CEP85L: variants seen among roughly 807,000 people sequenced by gnomAD.
The protein encoded by CEP85L is centrosomal protein of 85 kDa-like.
A neutral mutation model predicts 100.3 loss-of-function variants in CEP85L; 60 were observed. The observed-to-expected ratio is 0.60, with a 90% CI of 0.49 to 0.74. CEP85L has a LOEUF of 0.74. Among genes scored for constraint, CEP85L ranks in the 30% least tolerant of loss-of-function variants. The probability of loss-of-function intolerance (pLI) is 0.00; values close to 1 mark genes in which losing one functional copy is unlikely to be tolerated. For synonymous variants in CEP85L, 319 were observed against 322.7 expected, an observed-to-expected ratio of 0.99 and a Z score of 0.12; for missense variants, 973 against 936.2, an observed-to-expected ratio of 1.04 and a Z score of -0.51.
chr6:118,696,715 A>T (rs768074284), intron 1 of CEP85L, among the ~76,000 whole-genome samples: 1 of 152,180 alleles, frequency 6.6e-6, no homozygotes, highest in Non-Finnish European at 1.5e-5. Context: ...AGCAGTTAAG[A>T]TATTTTTGAC....
rs1327752442 is a variant in CEP85L, at chr6:118,469,275, G to A, written c.2051C>T (p.Ser684Phe). 6.2e-7 allele frequency: 1 copy of A among 1,613,816 alleles called. No homozygotes were observed. The highest frequency in any genetic ancestry group is 1.3e-5 in the African/African-American group (1 of 74,904). The change falls in exon 12 of 13, where the codon TCT becomes TTT. Residue 684 changes from serine to phenylalanine, a missense_variant. This residue lies in a region of CEP85L where 890 missense variants were observed against 844.5 expected (regional missense o/e 1.05). Transcript: ENST00000368491. Reference sequence around the variant, plus strand: ...AGGTTCCTGGCCCTGATCCAATAAAGAGCATGTCTCATCTGTTTGTCTTTG... The same window carrying A: ...AGGTTCCTGGCCCTGATCCAATAAAAAGCATGTCTCATCTGTTTGTCTTTG... Reference protein sequence around the residue: ...ENQRQTDETCSLLDQGQEPDQ... With the variant: ...ENQRQTDETCFLLDQGQEPDQ...
chr6:118,697,735 C>T lies in CEP85L; in HGVS notation c.-28+12301G>A, dbSNP rs193171931. On this transcript the variant is annotated intron_variant, in intron 1 of 13. Coordinates refer to the CEP85L transcript ENST00000368488. ...GTATATGAAACTTGAGCTCTCAGGA[C>T]ATGCTCAGATGCACTCACATATATA... Among the ~76,000 whole-genome samples the T allele has an allele frequency of 2.6e-5, 4 of 152,302 alleles. No individual in the cohort carries two copies. In the East Asian group the frequency reaches 5.8e-4, roughly 22 times the overall value.
intron 1 of CEP85L, among the ~76,000 whole-genome samples, chr6:118,658,035 G>T (rs1327371382): frequency 6.6e-6 from 1 of 152,150 alleles, no homozygotes; most frequent in African/African-American, 2.4e-5. Context: ...GGGATCTCTG[G>T]AACTGTAAAT....
Position 118,566,256 on chromosome 6 carries a change from G to A in CEP85L, c.293C>T (p.Pro98Leu), listed in dbSNP as rs572090483. 2 of 1,614,120 alleles carry A rather than the reference G, an allele frequency of 1.2e-6. No individual in the cohort carries two copies. The highest frequency in any genetic ancestry group is 1.3e-5 in the African/African-American group (1 of 75,044). ...ATTAGACGGCATCACATGGGCAGTA[G>A]GAAGAGTAATCAATGATTGACTAGG... ...FKPSQSLITL[P>L]TAHVMPSNSS... is the part of the protein sequence containing the mutation. The change falls in exon 3 of 13, where the codon CCT becomes CTT. Residue 98 changes from proline to leucine, a missense_variant. Coordinates refer to ENST00000368491, the MANE Select transcript of CEP85L (RefSeq NM_001042475.3).
intron 1 of CEP85L, among the ~76,000 whole-genome samples, chr6:118,669,995 G>C (rs1211689416): frequency 1.3e-5 from 2 of 150,752 alleles, no homozygotes; most frequent in Admixed American, 1.3e-4. Flanking sequence ...GGGAACCAAA[G>C]AGTAAAGGGA....
intron 3 of CEP85L, among the ~76,000 whole-genome samples, chr6:118,533,732 T>C (rs12206369): frequency 0.029 from 4,414 of 152,156 alleles, 107 homozygotes; most frequent in African/African-American, 0.056. Context: ...AATCCAGACA[T>C]AGAGCTATAC....
At chr6:118,515,707 C>T (rs140655863) in intron 4 of CEP85L, among the ~76,000 whole-genome samples, 143 of 152,010 alleles carry the variant, frequency 9.4e-4, no homozygotes, top group African/African-American at 3.3e-3. Context: ...AAATGAAAAC[C>T]AAACAAATTA....
At chr6:118,547,817 A>G (rs1778294352) in intron 3 of CEP85L, among the ~76,000 whole-genome samples, 1 of 152,150 alleles carries the variant, frequency 6.6e-6, no homozygotes, top group Admixed American at 6.5e-5. Context: ...ACAAAATAAG[A>G]AAACAGGTAT....
At chr6:118,606,868 G>C (rs774768676) in intron 2 of CEP85L, among the ~76,000 whole-genome samples, 4 of 152,072 alleles carry the variant, frequency 2.6e-5, no homozygotes, top group Admixed American at 6.5e-5. Flanking sequence ...AAACTTTACA[G>C]AGGAGATAAA....
rs750434407 is a variant in CEP85L, at chr6:118,566,271, G to A, written c.278C>T (p.Ser93Leu). Residue 93 changes from serine (S) to leucine (L), a missense_variant, in exon 3 of 13, where the codon TCA becomes TTA. By Grantham distance (145) the Ser-to-Leu change is moderately radical. Coordinates refer to ENST00000368491, the MANE Select transcript of CEP85L (RefSeq NM_001042475.3). ...ATGGGCAGTAGGAAGAGTAATCAAT[G>A]ATTGACTAGGCTTAAAAGATAATGT... Reference protein sequence around the residue: ...SGTLSFKPSQSLITLPTAHVM... With the variant: ...SGTLSFKPSQLLITLPTAHVM... 8 of 1,613,970 alleles carry A rather than the reference G, an allele frequency of 5.0e-6. No individual in the cohort carries two copies. The highest frequency in any genetic ancestry group is 1.7e-5 in the Admixed American group (1 of 60,016).
chr6:118,584,134 T>C (rs145834959), intron 2 of CEP85L, among the ~76,000 whole-genome samples: 137 of 152,304 alleles, frequency 9.0e-4, no homozygotes, highest in African/African-American at 3.1e-3. Context: ...TCTTGCAGTA[T>C]GTTGATGATA....
chr6:118,460,837 G>A lies in CEP85L; in HGVS notation c.*4568C>T, dbSNP rs974100774. ...CAACATCAACAAACAATAGTCCAGTGGAAAAATACTAGCCATTAACATTGA... is the reference window on the plus strand; with the variant it reads ...CAACATCAACAAACAATAGTCCAGTAGAAAAATACTAGCCATTAACATTGA... On this transcript the variant is annotated 3_prime_UTR_variant, in exon 13 of 13. Transcript: ENST00000368491. 1 of 151,896 alleles carries A rather than the reference G, an allele frequency of 6.6e-6. No individual in the cohort carries two copies. Among genetic ancestry groups the A allele is most frequent in the African/African-American group, 2.4e-5 (1 of 41,350 alleles). The allele number at this position is 151,896 out of a possible 1,614,324, so 9.4% of individuals were successfully genotyped here. A position where few individuals can be genotyped will look rare whatever the true frequency, so the allele number is the denominator to read the frequency against.
intron 3 of CEP85L, among the ~76,000 whole-genome samples, chr6:118,554,512 T>C (rs56007878): frequency 0.017 from 2,586 of 152,262 alleles, 68 homozygotes; most frequent in African/African-American, 0.059. Context: ...TATTTAACTT[T>C]AGTGATTTAT....
chr6:118,526,973 G>A (rs911825128), intron 3 of CEP85L, among the ~76,000 whole-genome samples: 15 of 148,920 alleles, frequency 1.0e-4, no homozygotes, highest in African/African-American at 1.5e-4. Context: ...TGCCTGTGGC[G>A]CAGCCACTGT....
chr6:118,499,997 G>C (rs1226091756), intron 5 of CEP85L, among the ~76,000 whole-genome samples: 2 of 151,986 alleles, frequency 1.3e-5, no homozygotes, highest in Non-Finnish European at 2.9e-5. Context: ...ATGTCAAAAA[G>C]AATCCATACA....
chr6:118,488,367 G>A (rs887386967), intron 6 of CEP85L, among the ~76,000 whole-genome samples: 3 of 151,570 alleles, frequency 2.0e-5, no homozygotes, highest in Non-Finnish European at 4.4e-5. Flanking sequence ...ACAAATCTTG[G>A]AACTAAAAAA....
intron 3 of CEP85L, among the ~76,000 whole-genome samples, chr6:118,530,920 T>A (rs1214787872): frequency 6.6e-6 from 1 of 150,536 alleles, no homozygotes; most frequent in Non-Finnish European, 1.5e-5. Context: ...ATTGTTAAAA[T>A]GTTCATACTG....
At chr6:118,504,171 C>T (rs1287960977) in intron 5 of CEP85L, among the ~76,000 whole-genome samples, 2 of 152,058 alleles carry the variant, frequency 1.3e-5, no homozygotes, top group African/African-American at 4.8e-5. Context: ...GCCAGTAGTT[C>T]GAGATTGGCC....
At chr6:118,597,166 A>G (rs754390463) in intron 2 of CEP85L, among the ~76,000 whole-genome samples, 1 of 152,136 alleles carries the variant, frequency 6.6e-6, no homozygotes, top group Non-Finnish European at 1.5e-5. Context: ...CTCTGAGTCC[A>G]TTTAACCTCT....
Sources: allele counts gnomAD v4.1 joint callset (sites outside exome capture counted in the v4.1 genomes callset), GRCh38; gene constraint gnomAD v4.1.1; regional missense constraint gnomAD v4.1.1; transcripts MANE v1.5; gene names NCBI Gene and HGNC (gene_info 2026-07-23, HGNC 2026-07-21).